TBC1D22A: variants seen among roughly 807,000 people sequenced by gnomAD.
TBC1D22A encodes the protein TBC1 domain family member 22A, also known as putative GTPase activator.
A neutral mutation model predicts 60.2 loss-of-function variants in TBC1D22A; 38 were observed. That is an observed-to-expected ratio of 0.63 (90% confidence interval 0.49 to 0.83). The LOEUF (loss-of-function observed/expected upper bound fraction) is 0.83. TBC1D22A is among the 40% of genes least tolerant of loss of function. The pLI, the probability that TBC1D22A is intolerant of heterozygous loss-of-function variation, is 0.00. For missense variants in TBC1D22A, 628 were observed against 701.0 expected (o/e 0.90, Z 1.18); for synonymous variants, 302 against 281.7 (o/e 1.07, Z -0.72).
chr22:46,964,507 T>C (rs551032531), intron 8 of TBC1D22A, among the ~76,000 whole-genome samples: 21 of 152,244 alleles, frequency 1.4e-4, no homozygotes, highest in African/African-American at 5.1e-4. Flanking sequence ...TGCCATACAA[T>C]TGATTAAATT....
At chr22:47,126,461 G>A (rs995757927) in intron 12 of TBC1D22A, among the ~76,000 whole-genome samples, 10 of 152,176 alleles carry the variant, frequency 6.6e-5, no homozygotes, top group Non-Finnish European at 1.5e-4. Context: ...CGTAGGCCCC[G>A]CCGGGGCCCA....
chr22:47,087,184 T>C (rs73170438), intron 11 of TBC1D22A, among the ~76,000 whole-genome samples: 3 of 152,366 alleles, frequency 2.0e-5, no homozygotes, highest in Non-Finnish European at 4.4e-5. Flanking sequence ...AACTTTCCTA[T>C]TTGCTTATAT....
At chr22:46,781,199 C>G (rs950746064) in intron 1 of TBC1D22A, among the ~76,000 whole-genome samples, 1 of 145,918 alleles carries the variant, frequency 6.9e-6, no homozygotes, top group Non-Finnish European at 1.5e-5. Flanking sequence ...GTTGCTGGTG[C>G]TGGTGTTGCT....
chr22:47,025,939 G>A (rs905166310), intron 10 of TBC1D22A, among the ~76,000 whole-genome samples: 2 of 152,208 alleles, frequency 1.3e-5, no homozygotes, highest in Admixed American at 1.3e-4. Flanking sequence ...AGAGGGAAAC[G>A]TATAGTGTTG....
At chr22:46,803,182 C>A (rs1012210296) in intron 4 of TBC1D22A, among the ~76,000 whole-genome samples, 1 of 152,116 alleles carries the variant, frequency 6.6e-6, no homozygotes. Flanking sequence ...ACCCCCACCC[C>A]CTTCCTGCGT....
intron 4 of TBC1D22A, among the ~76,000 whole-genome samples, chr22:46,834,749 C>T (rs2086446539): frequency 6.6e-6 from 1 of 152,226 alleles, no homozygotes; most frequent in African/African-American, 2.4e-5. Context: ...CCACAAATTT[C>T]ATAGGATCTG....
chr22:46,953,226 T>C (rs1488690703), intron 8 of TBC1D22A, among the ~76,000 whole-genome samples: 4 of 152,218 alleles, frequency 2.6e-5, no homozygotes, highest in African/African-American at 9.6e-5. Flanking sequence ...CGAGTTGCAG[T>C]CAATATTACA....
At chr22:46,856,016 GAAGGA>G (rs1415076244) in intron 4 of TBC1D22A, among the ~76,000 whole-genome samples, 1 of 152,218 alleles carries the variant, frequency 6.6e-6, no homozygotes, top group Non-Finnish European at 1.5e-5. Flanking sequence ...CGGAGCCACA[GAAGGA>G]AAGTGGACAG....
At chr22:47,069,537 T>A (rs988998187) in intron 11 of TBC1D22A, among the ~76,000 whole-genome samples, 1 of 152,252 alleles carries the variant, frequency 6.6e-6, no homozygotes, top group Non-Finnish European at 1.5e-5. Context: ...GAATTGCATG[T>A]CTCTGTCCTT....
chr22:46,951,132 G>C (rs1161520400), intron 8 of TBC1D22A, among the ~76,000 whole-genome samples: 1 of 152,160 alleles, frequency 6.6e-6, no homozygotes, highest in African/African-American at 2.4e-5. Context: ...CTCTCCATCT[G>C]CAAAATAGAG....
intron 11 of TBC1D22A, among the ~76,000 whole-genome samples, chr22:47,087,743 A>G (rs942239660): frequency 3.3e-5 from 5 of 152,224 alleles, no homozygotes; most frequent in Non-Finnish European, 7.3e-5. Flanking sequence ...CAAGCATAAA[A>G]TTAAAGAAGT....
At chr22:46,770,977 T>G (rs967533902) in intron 1 of TBC1D22A, among the ~76,000 whole-genome samples, 1 of 152,132 alleles carries the variant, frequency 6.6e-6, no homozygotes, top group Non-Finnish European at 1.5e-5. Context: ...GTGGGTGAGA[T>G]TTTGCTGTAG....
At chr22:46,768,215 T>G (rs1251544238) in intron 1 of TBC1D22A, 2 of 152,512 alleles carry the variant, frequency 1.3e-5, no homozygotes, top group Non-Finnish European at 2.9e-5. Flanking sequence ...CCGGGCGCGG[T>G]GGCTCACGCC....
At chr22:46,930,818 G>C (rs1018666361) in intron 8 of TBC1D22A, among the ~76,000 whole-genome samples, 3 of 152,110 alleles carry the variant, frequency 2.0e-5, no homozygotes, top group Non-Finnish European at 4.4e-5. Flanking sequence ...CCAGTATGTA[G>C]TTTAAATGAT....
chr22:47,041,700 C>T (rs1028591366), intron 11 of TBC1D22A, among the ~76,000 whole-genome samples: 2 of 152,230 alleles, frequency 1.3e-5, no homozygotes, highest in Non-Finnish European at 2.9e-5. Flanking sequence ...ATCCTTGCCT[C>T]GAGAGGCTGC....
chr22:47,065,588 CAT>C (rs1245671822), intron 11 of TBC1D22A, among the ~76,000 whole-genome samples: 7 of 44,628 alleles, frequency 1.6e-4, no homozygotes, highest in Admixed American at 6.1e-4. Flanking sequence ...GTGAAGATTT[CAT>C]TGTGTTTTTG....
intron 4 of TBC1D22A, among the ~76,000 whole-genome samples, chr22:46,863,229 A>G (rs2066900398): frequency 6.6e-6 from 1 of 152,204 alleles, no homozygotes; most frequent in Non-Finnish European, 1.5e-5. Flanking sequence ...GTGGCTCTCC[A>G]GGTGGTCACT....
chr22:46,976,857 T>A lies in TBC1D22A; in HGVS notation c.1125+2458T>A, dbSNP rs2074318508. Among the ~76,000 whole-genome samples the A allele has an allele frequency of 2.0e-5, 3 of 152,246 alleles. No homozygotes were observed. In the South Asian group the frequency reaches 6.2e-4, roughly 32 times the overall value. On this transcript the variant is annotated intron_variant, in intron 9 of 12. Coordinates refer to ENST00000337137, the MANE Select transcript of TBC1D22A (RefSeq NM_014346.5). ...CGTCCACGCCGTTGCTGCAGAGGCT[T>A]TATTGGAGCCGCTGAGCCAGAACTG...
chr22:46,863,559 C>T (rs918508958), intron 4 of TBC1D22A, among the ~76,000 whole-genome samples: 1 of 152,128 alleles, frequency 6.6e-6, no homozygotes, highest in Non-Finnish European at 1.5e-5. Flanking sequence ...CAACTAGTCA[C>T]CTCTAGTATT....
Sources: allele counts gnomAD v4.1 joint callset (sites outside exome capture counted in the v4.1 genomes callset), GRCh38; gene constraint gnomAD v4.1.1; transcripts MANE v1.5; gene names NCBI Gene and HGNC (gene_info 2026-07-23, HGNC 2026-07-21).